The following INTS4 variants were observed in gnomAD, a reference collection of about 807,000 sequenced individuals.
INTS4 encodes the protein integrator complex subunit 4.
In INTS4, 70 loss-of-function variants were observed where a neutral mutation model predicts 119.5. The observed-to-expected ratio is 0.59, with a 90% CI of 0.48 to 0.71. INTS4 has a LOEUF of 0.71. Among genes scored for constraint, INTS4 ranks in the 30% least tolerant of loss-of-function variants. The pLI, the probability that INTS4 is intolerant of heterozygous loss-of-function variation, is 0.00. For missense variants in INTS4, 867 were observed against 1,173.2 expected (o/e 0.74, Z 3.81); for synonymous variants, 316 against 419.6 (o/e 0.75, Z 3.02).
intron 12 of INTS4, chr11:77,922,769 C>G (rs1565247120): frequency 2.6e-6 from 1 of 377,962 alleles, no homozygotes; most frequent in African/African-American, 2.1e-5. Context: ...CAGCAAAGTG[C>G]TCGGAAAAGG....
chr11:77,908,578 C>T (rs573764548), intron 15 of INTS4, among the ~76,000 whole-genome samples: 71 of 152,272 alleles, frequency 4.7e-4, no homozygotes, highest in African/African-American at 1.7e-3. Context: ...CTGCCTGCCT[C>T]GGCCTCTCAT....
At chr11:77,929,181 TTA>T (rs945481432) in intron 10 of INTS4, among the ~76,000 whole-genome samples, 1 of 151,604 alleles carries the variant, frequency 6.6e-6, no homozygotes, top group African/African-American at 2.4e-5. Context: ...GCCCCATATT[TTA>T]TATATATATA....
At chr11:77,983,113 C>T (rs1856310783) in intron 2 of INTS4, among the ~76,000 whole-genome samples, 1 of 152,190 alleles carries the variant, frequency 6.6e-6, no homozygotes, top group Non-Finnish European at 1.5e-5. Context: ...AACAATTAAC[C>T]TCTCTGAGCC....
At position 77,958,764 on chromosome 11, in the gene INTS4, C is replaced by CT. The variant is rs781751576; in HGVS notation, c.778dup (p.Ser260LysfsTer6). 16 of 1,610,028 alleles carry CT rather than the reference C, an allele frequency of 9.9e-6. No individual in the cohort carries two copies. On this transcript the variant is annotated frameshift_variant, in exon 7 of 23. Coordinates refer to ENST00000534064, the MANE Select transcript of INTS4 (RefSeq NM_033547.4). LOFTEE classifies it high-confidence loss of function. ...CACTGACCTTTCAGGATAGAGCTGA[C>CT]TGACGACCCAGATAAGCTGGACTGC...
chr11:77,900,858 T>G lies in INTS4; in HGVS notation c.2228+563A>C, dbSNP rs1263821034. ...ATTACGTATCAAGTACCATGCTAAGTGTTTTTACATGTATTATCTCATTTA... is the reference window on the plus strand; with the variant it reads ...ATTACGTATCAAGTACCATGCTAAGGGTTTTTACATGTATTATCTCATTTA... On this transcript the variant is annotated intron_variant, in intron 18 of 22. Coordinates refer to ENST00000534064, the MANE Select transcript of INTS4 (RefSeq NM_033547.4). 12 of 519,248 alleles carry G rather than the reference T, an allele frequency of 2.3e-5. No homozygotes were observed. The Middle Eastern group carries it at 1.5e-3, about 66-fold the overall frequency. The allele number at this position is 519,248 out of a possible 1,614,324, so 32.2% of individuals were successfully genotyped here.
chr11:77,960,326 A>T lies in INTS4; in HGVS notation c.708+15T>A. On this transcript the variant is annotated intron_variant, in intron 6 of 22. Coordinates refer to ENST00000534064, the MANE Select transcript of INTS4 (RefSeq NM_033547.4). ...ATACCTCCAACCCCTTCCAGACAGT[A>T]ATCATATAAGGTACCTGATTATAAA... 3 of 1,584,580 alleles carry T rather than the reference A, an allele frequency of 1.9e-6. No homozygotes were observed. Among genetic ancestry groups the T allele is most frequent in the Admixed American group, 1.7e-5 (1 of 59,680 alleles).
chr11:77,907,570 T>G (rs1952987139), intron 16 of INTS4, 147 bp downstream of exon 16: 9 of 530,118 alleles, frequency 1.7e-5, no homozygotes, highest in Non-Finnish European at 2.4e-5. Flanking sequence ...GAGACAAATG[T>G]AATCACACTG....
At chr11:77,879,160 T>C in intron 22 of INTS4, 33 bp from the exon 23 acceptor site, 1 of 1,608,614 alleles carries the variant, frequency 6.2e-7, no homozygotes, top group Non-Finnish European at 8.5e-7. Context: ...CCTCTATAAC[T>C]AGGCAACTGC....
intron 4 of INTS4, among the ~76,000 whole-genome samples, chr11:77,972,475 G>A (rs1360150580): frequency 6.6e-6 from 1 of 151,796 alleles, no homozygotes. Flanking sequence ...GGAGTGTGGT[G>A]GTGTGATCAC....
rs4144307 is a variant in INTS4, at chr11:77,891,693, C to T, written c.2436G>A (p.Pro812=). 6.2e-6 allele frequency: 10 copies of T among 1,611,798 alleles called. No homozygotes were observed. The highest frequency in any genetic ancestry group is 5.0e-5 in the Admixed American group (3 of 59,978). ...AATAGACCCTGACCTGCTCTGGAAG[C>T]GGGAGATGCAGAAAGGCACTCTGTC... ...MLRQSAFLHL[P]LPEQIHKASA... is the part of the protein sequence containing the mutation. The change falls in exon 20 of 23, where the codon CCG becomes CCA. Residue 812 remains proline, a synonymous_variant. Coordinates refer to ENST00000534064, the MANE Select transcript of INTS4 (RefSeq NM_033547.4).
chr11:77,927,866 A>C (rs1272690641), intron 11 of INTS4, among the ~76,000 whole-genome samples: 3 of 152,170 alleles, frequency 2.0e-5, no homozygotes, highest in Admixed American at 1.3e-4. Flanking sequence ...TAGTTCCTTG[A>C]ATATATCATA....
intron 22 of INTS4, among the ~76,000 whole-genome samples, chr11:77,880,870 G>A (rs190606990): frequency 9.2e-5 from 14 of 152,234 alleles, no homozygotes; most frequent in South Asian, 6.2e-4. Flanking sequence ...ACTTGAGCCC[G>A]AGAGGATCAC....
At chr11:77,938,496 C>T (rs1953854704) in intron 10 of INTS4, among the ~76,000 whole-genome samples, 155 bp downstream of exon 10, 1 of 152,194 alleles carries the variant, frequency 6.6e-6, no homozygotes, top group African/African-American at 2.4e-5. Context: ...ACTGGGGCCT[C>T]AGTCTCTTCT....
chr11:77,895,897 G>A (rs909753031), intron 18 of INTS4, among the ~76,000 whole-genome samples: 26 of 152,146 alleles, frequency 1.7e-4, no homozygotes, highest in Non-Finnish European at 3.4e-4. Flanking sequence ...TGTGAGGGAA[G>A]GAAAGCTATG....
chr11:77,897,523 C>T lies in INTS4; in HGVS notation c.2229-3174G>A, dbSNP rs182750055. On this transcript the variant is annotated intron_variant, in intron 18 of 22. Transcript: ENST00000534064. ...TATTATTATTATTTTTTTTTTGAGA[C>T]AGAGTCTCACTCTGTCACCCAGGCT... 6.0e-5 allele frequency among the ~76,000 whole-genome samples: 9 copies of T among 150,494 alleles called. No individual in the cohort carries two copies. The East Asian group carries it at 1.6e-3, about 26-fold the overall frequency.
intron 1 of INTS4, among the ~76,000 whole-genome samples, chr11:77,993,266 G>C (rs776378608): frequency 1.3e-5 from 2 of 152,170 alleles, no homozygotes; most frequent in Non-Finnish European, 2.9e-5. Context: ...AGTACAAATA[G>C]ATTAGTACCA....
At chr11:77,954,896 T>TG (rs1954281737) in intron 8 of INTS4, among the ~76,000 whole-genome samples, 1 of 152,148 alleles carries the variant, frequency 6.6e-6, no homozygotes, top group African/African-American at 2.4e-5. Flanking sequence ...GCTTAATAAA[T>TG]GGGAAAAACT....
chr11:77,920,258 C>CATATATATACAT (rs58721042), intron 14 of INTS4, among the ~76,000 whole-genome samples: 49,000 of 142,226 alleles, frequency 0.34, 8,845 homozygotes, highest in African/African-American at 0.4. Flanking sequence ...TACATATATA[C>CATATATATACAT]ATATATACAC....
intron 15 of INTS4, among the ~76,000 whole-genome samples, chr11:77,909,313 A>G (rs1276463288): frequency 1.3e-5 from 2 of 152,240 alleles, no homozygotes; most frequent in Non-Finnish European, 2.9e-5. Flanking sequence ...TGCAACTGCT[A>G]TAACAAAATA....
Sources: allele counts gnomAD v4.1 joint callset (sites outside exome capture counted in the v4.1 genomes callset), GRCh38; gene constraint gnomAD v4.1.1; transcripts MANE v1.5; gene names NCBI Gene and HGNC (gene_info 2026-07-23, HGNC 2026-07-21).